Variants in CDR2L observed in about 807,000 individuals in gnomAD.
CDR2L encodes the protein cerebellar degeneration-related protein 2-like.
CDR2L carries 19 observed loss-of-function variants against 36.1 expected under a neutral mutation model. The observed-to-expected ratio is 0.53, with a 90% CI of 0.37 to 0.77. CDR2L has a LOEUF of 0.77. Ranked by LOEUF, CDR2L falls within the 30% of genes least tolerant of loss-of-function variation. CDR2L has a pLI of 0.00. For missense variants in CDR2L, 575 were observed against 627.2 expected (o/e 0.92, Z 0.89); for synonymous variants, 285 against 280.4 (o/e 1.02, Z -0.16).
In CDR2L at chr17:75,003,810, G is replaced by A. The variant is rs1220476122; in HGVS notation, c.1134G>A (p.Gly378=). 2 of 1,549,100 alleles carry A rather than the reference G, an allele frequency of 1.3e-6. No homozygotes were observed. ...EELLSKCRQH[G]AGVRHAGVQT... is the part of the protein sequence containing the mutation. ...TGCTGAGCAAGTGCCGGCAGCACGG[G>A]GCCGGAGTGCGGCACGCCGGCGTGC... The change falls in exon 5 of 5, where the codon GGG becomes GGA. Residue 378 remains glycine (G), a synonymous_variant. Transcript: ENST00000337231.
At chr17:74,988,339 G>T (rs2039776459) in intron 1 of CDR2L, among the ~76,000 whole-genome samples, 1 of 152,164 alleles carries the variant, frequency 6.6e-6, no homozygotes. Context: ...AAAGTGGGGG[G>T]CGGGGGGCGG....
intron 1 of CDR2L, among the ~76,000 whole-genome samples, chr17:74,997,549 C>T (rs1332165666): frequency 6.6e-6 from 1 of 152,094 alleles, no homozygotes; most frequent in Non-Finnish European, 1.5e-5. Flanking sequence ...TGATTCTGTC[C>T]TAGATACTGT....
Position 74,987,936 on chromosome 17 carries a change from C to G in CDR2L, c.-108C>G. On this transcript the variant is annotated 5_prime_UTR_variant, in exon 1 of 5. Coordinates refer to ENST00000337231, the MANE Select transcript of CDR2L (RefSeq NM_014603.3). Reference sequence around the variant, plus strand: ...GGGGCGCGGCGCGGGCTCTGTAGCCCGAGTTCCCGACGCTGGAGGCCCGGC... The same window carrying G: ...GGGGCGCGGCGCGGGCTCTGTAGCCGGAGTTCCCGACGCTGGAGGCCCGGC... 2.1e-6 allele frequency: 1 copy of G among 484,122 alleles called. No homozygotes were observed. Among genetic ancestry groups the G allele is most frequent in the Non-Finnish European group, 3.3e-6 (1 of 306,522 alleles). 30.0% of individuals were successfully genotyped at this position (484,122 alleles called of 1,614,324 possible).
At chr17:74,991,558 A>C (rs371806420) in intron 1 of CDR2L, among the ~76,000 whole-genome samples, 138 of 152,064 alleles carry the variant, frequency 9.1e-4, no homozygotes, top group African/African-American at 2.8e-3. Context: ...TCTACTAAAA[A>C]TACAAAAAAT....
At chr17:74,988,216 C>G in intron 1 of CDR2L, 94 bp downstream of exon 1, 1 of 927,558 alleles carries the variant, frequency 1.1e-6, no homozygotes, top group African/African-American at 1.8e-5. Context: ...CCGGGAGGGG[C>G]TGGGCTGGAC....
chr17:75,000,846 AG>A (rs1178013304), intron 2 of CDR2L, among the ~76,000 whole-genome samples: 1 of 150,896 alleles, frequency 6.6e-6, no homozygotes, highest in Non-Finnish European at 1.5e-5. Flanking sequence ...TGAACCCAAG[AG>A]GTGGAGCTTG....
chr17:74,995,723 G>A (rs1465607652), intron 1 of CDR2L, among the ~76,000 whole-genome samples: 2 of 151,748 alleles, frequency 1.3e-5, no homozygotes, highest in East Asian at 3.9e-4. Flanking sequence ...GGCTGGTCTC[G>A]AACTCCTGAC....
rs535227573 is a variant in CDR2L, at chr17:75,004,469, T to G, written c.*395T>G. 26 of 167,580 alleles carry G rather than the reference T, an allele frequency of 1.6e-4. No homozygotes were observed. The highest frequency in any genetic ancestry group is 2.7e-4 in the Non-Finnish European group (21 of 78,312). 10.4% of individuals were successfully genotyped at this position (167,580 alleles called of 1,614,324 possible). A position where few individuals can be genotyped will look rare whatever the true frequency, so the allele number is the denominator to read the frequency against. On this transcript the variant is annotated 3_prime_UTR_variant, in exon 5 of 5. Transcript: ENST00000337231. ...GTTAAGTTTGTTTTTTCTAAGAGAT[T>G]TGCAATGCAAGGTCTCCTTGACCCC... is the stretch of plus-strand genomic sequence containing the variant.
Position 74,991,641 on chromosome 17 carries a change from C to T in CDR2L, c.79+3519C>T, listed in dbSNP as rs1046285366. 1.3e-3 allele frequency among the ~76,000 whole-genome samples: 199 copies of T among 151,574 alleles called. 2 individuals are homozygous for T. The highest frequency in any genetic ancestry group is 1.4e-3 in the Non-Finnish European group (93 of 67,974). ...CTGATGCAGGAGAATGGTGTGAACCCGGGAGGCAGAGCTTGCAGTGAGCCA... is the reference window on the plus strand; with the variant it reads ...CTGATGCAGGAGAATGGTGTGAACCTGGGAGGCAGAGCTTGCAGTGAGCCA... On this transcript the variant is annotated intron_variant, in intron 1 of 4. Transcript: ENST00000337231.
In CDR2L at chr17:75,003,298, C is replaced by T; in HGVS notation, c.622C>T (p.Gln208Ter). The change falls in exon 5 of 5, where the codon CAG (glutamine) becomes TAG (stop). Residue 208 changes from glutamine to a stop codon, truncating the protein, a stop_gained. Coordinates refer to ENST00000337231, the MANE Select transcript of CDR2L (RefSeq NM_014603.3). LOFTEE classifies it high-confidence loss of function. ...GGGGGCGCTGCGCTCCCAGGTGAGCCAGGAGCGGCAGCGCAAGGAGCGGGC... is the reference window on the plus strand; with the variant it reads ...GGGGGCGCTGCGCTCCCAGGTGAGCTAGGAGCGGCAGCGCAAGGAGCGGGC... ...LVGALRSQVS[Q>*]ERQRKERAER... The T allele has an allele frequency of 6.4e-7, 1 of 1,555,980 alleles. No homozygotes were observed. Among genetic ancestry groups the T allele is most frequent in the Non-Finnish European group, 8.7e-7 (1 of 1,150,762 alleles).
Position 75,004,242 on chromosome 17 carries a change from C to G in CDR2L, c.*168C>G. On this transcript the variant is annotated 3_prime_UTR_variant, in exon 5 of 5. Coordinates refer to ENST00000337231, the MANE Select transcript of CDR2L (RefSeq NM_014603.3). ...TTCCCTGCTGAGCGGAGGCAGCCCACCTGTCCTGCCTCCCAGGAGCCCTTG... is the reference window on the plus strand; with the variant it reads ...TTCCCTGCTGAGCGGAGGCAGCCCAGCTGTCCTGCCTCCCAGGAGCCCTTG... 3.2e-6 allele frequency: 2 copies of G among 617,674 alleles called. No homozygotes were observed. The highest frequency in any genetic ancestry group is 5.5e-6 in the Non-Finnish European group (2 of 360,438). The allele number at this position is 617,674 out of a possible 1,614,324, so 38.3% of individuals were successfully genotyped here.
chr17:75,003,284 G>C lies in CDR2L; in HGVS notation c.608G>C (p.Arg203Pro), dbSNP rs1420451259. Reference sequence around the variant, plus strand: ...CTGCAGACCCTGGTGGGGGCGCTGCGCTCCCAGGTGAGCCAGGAGCGGCAG... The same window carrying C: ...CTGCAGACCCTGGTGGGGGCGCTGCCCTCCCAGGTGAGCCAGGAGCGGCAG... ...ERLQTLVGALRSQVSQERQRK... is the reference protein window; with the variant it reads ...ERLQTLVGALPSQVSQERQRK... Residue 203 changes from arginine to proline, a missense_variant, in exon 5 of 5, where the codon CGC (arginine) becomes CCC (proline). Arg to Pro is a moderately radical substitution (Grantham distance 103). Transcript: ENST00000337231. 1 of 1,556,134 alleles carries C rather than the reference G, an allele frequency of 6.4e-7. No individual in the cohort carries two copies. Among genetic ancestry groups the C allele is most frequent in the East Asian group, 2.4e-5 (1 of 41,356 alleles).
In CDR2L at chr17:75,003,593, C is replaced by A; in HGVS notation, c.917C>A (p.Ala306Glu). Residue 306 changes from alanine (A) to glutamate (E), a missense_variant, in exon 5 of 5, where the codon GCA becomes GAA. Transcript: ENST00000337231. Reference protein sequence around the residue: ...LGAQDGVSSPAASPGHVVRKS... With the variant: ...LGAQDGVSSPEASPGHVVRKS... ...GCCCAGGACGGGGTCTCCTCACCGG[C>A]AGCCTCTCCAGGCCACGTGGTGCGC... 6.7e-7 allele frequency: 1 copy of A among 1,501,136 alleles called. No individual in the cohort carries two copies. Among genetic ancestry groups the A allele is most frequent in the South Asian group, 1.3e-5 (1 of 76,902 alleles). The allele number at this position is 1,501,136 out of a possible 1,614,324, so 93.0% of individuals were successfully genotyped here.
At position 74,999,325 on chromosome 17, in the gene CDR2L, C is replaced by CACAAAAAAAA. The variant is rs368672422; in HGVS notation, c.80-178_80-177insCAAAAAAAAA. On this transcript the variant is annotated intron_variant, in intron 1 of 4. Coordinates refer to ENST00000337231, the MANE Select transcript of CDR2L (RefSeq NM_014603.3). Reference sequence around the variant, plus strand: ...ACACACACACACACACAGACACACACAAAAAGAACATTCCAGGCAGAAATA... The same window carrying CACAAAAAAAA: ...ACACACACACACACACAGACACACACACAAAAAAAAAAAAAGAACATTCCAGGCAGAAATA... Among the ~76,000 whole-genome samples the CACAAAAAAAA allele has an allele frequency of 4.6e-5, 7 of 151,092 alleles. No individual in the cohort carries two copies. In the East Asian group the frequency reaches 1.2e-3, roughly 26 times the overall value.
intron 2 of CDR2L, 90 bp downstream of exon 2, chr17:74,999,706 A>G (rs1412037656): frequency 2.5e-5 from 18 of 728,940 alleles, no homozygotes; most frequent in Non-Finnish European, 3.4e-5. Flanking sequence ...GTGCCAGCTT[A>G]TCGGACACAG....
At chr17:74,998,740 G>C (rs1339900174) in intron 1 of CDR2L, among the ~76,000 whole-genome samples, 1 of 152,206 alleles carries the variant, frequency 6.6e-6, no homozygotes, top group Non-Finnish European at 1.5e-5. Context: ...GAGGGAACAA[G>C]TCCTGGAAGT....
Position 75,003,718 on chromosome 17 carries a change from C to T in CDR2L, c.1042C>T (p.Arg348Trp). ...LTLHANSVRK[R>W]GMSILREVDE... ...ACTGCACGCCAACAGCGTGCGCAAG[C>T]GGGGCATGTCCATCCTGCGGGAGGT... Residue 348 changes from arginine (R) to tryptophan (W), a missense_variant, in exon 5 of 5, where the codon CGG (arginine) becomes TGG (tryptophan). Coordinates refer to ENST00000337231, the MANE Select transcript of CDR2L (RefSeq NM_014603.3). 1.4e-6 allele frequency: 2 copies of T among 1,465,924 alleles called. No homozygotes were observed. Among genetic ancestry groups the T allele is most frequent in the Non-Finnish European group, 9.0e-7 (1 of 1,107,130 alleles). 90.8% of individuals were successfully genotyped at this position (1,465,924 alleles called of 1,614,324 possible).
At position 75,004,397 on chromosome 17, in the gene CDR2L, G is replaced by T; in HGVS notation, c.*323G>T. On this transcript the variant is annotated 3_prime_UTR_variant, in exon 5 of 5. Coordinates refer to ENST00000337231, the MANE Select transcript of CDR2L (RefSeq NM_014603.3). ...CGCCTCACCCTCAGACTGGTGACCA[G>T]GCTTCTGAAAGCCATTCTGGATCAG... 3.6e-6 allele frequency: 1 copy of T among 274,002 alleles called. No individual in the cohort carries two copies. The highest frequency in any genetic ancestry group is 6.8e-6 in the Non-Finnish European group (1 of 147,436). The allele number at this position is 274,002 out of a possible 1,614,324, so 17.0% of individuals were successfully genotyped here. A position where few individuals can be genotyped will look rare whatever the true frequency, so the allele number is the denominator to read the frequency against.
rs2144867878 is a variant in CDR2L, at chr17:75,002,323, G to A, written c.506+95G>A. 8.9e-7 allele frequency: 1 copy of A among 1,129,382 alleles called. No individual in the cohort carries two copies. Among genetic ancestry groups the A allele is most frequent in the South Asian group, 1.4e-5 (1 of 70,620 alleles). 70.0% of individuals were successfully genotyped at this position (1,129,382 alleles called of 1,614,324 possible). A position where few individuals can be genotyped will look rare whatever the true frequency, so the allele number is the denominator to read the frequency against. ...AGGGTGCAGTTGGTGCATCATCCAG[G>A]CCATCAGAGAGACTGGTCCTGTTGC... On this transcript the variant is annotated intron_variant, in intron 4 of 4. Transcript: ENST00000337231. This position sits in a 1 kb window ranked among gnomAD's most constrained non-coding sequence, Gnocchi z 4.1.
Sources: gnomAD v4.1 joint callset for allele counts (sites outside exome capture counted in the v4.1 genomes callset) on GRCh38, gnomAD v4.1.1 for gene constraint, Gnocchi (gnomAD v3.1) non-coding constraint, MANE v1.5 for transcripts, NCBI Gene and HGNC (gene_info 2026-07-23, HGNC 2026-07-21) for gene names.